Variants in SHISA6 observed in about 807,000 individuals in gnomAD.
SHISA6 encodes shisa family member 6, also known as protein shisa-6.
Under a neutral mutation model 47.9 loss-of-function variants are expected in SHISA6, and 22 were observed. That is an observed-to-expected ratio of 0.46 (90% confidence interval 0.33 to 0.66). SHISA6 has a LOEUF of 0.66. Among genes scored for constraint, SHISA6 ranks in the 30% least tolerant of loss-of-function variants. SHISA6 has a pLI of 0.02. For synonymous variants in SHISA6, 388 were observed against 337.8 expected, an observed-to-expected ratio of 1.15 and a Z score of -1.63; for missense variants, 680 against 764.6, an observed-to-expected ratio of 0.89 and a Z score of 1.30.
chr17:11,279,006 C>T (rs555547476), intron 2 of SHISA6, among the ~76,000 whole-genome samples: 1 of 152,218 alleles, frequency 6.6e-6, no homozygotes, highest in African/African-American at 2.4e-5. Context: ...GAAGCAGCCT[C>T]GTGTTTTCCA....
intron 3 of SHISA6, among the ~76,000 whole-genome samples, chr17:11,387,946 G>A (rs1913249072): frequency 6.6e-6 from 1 of 152,080 alleles, no homozygotes; most frequent in Admixed American, 6.5e-5. Flanking sequence ...ATTTGTCTGG[G>A]TGCTGCTCAT....
chr17:11,368,869 C>T (rs1912536218), intron 2 of SHISA6, among the ~76,000 whole-genome samples: 1 of 152,156 alleles, frequency 6.6e-6, no homozygotes, highest in Admixed American at 6.5e-5. Flanking sequence ...GTTGGTCAGG[C>T]TGGTCTCGAA....
At chr17:11,264,056 T>A (rs915983584) in intron 2 of SHISA6, among the ~76,000 whole-genome samples, 2 of 152,190 alleles carry the variant, frequency 1.3e-5, no homozygotes, top group African/African-American at 4.8e-5. Flanking sequence ...TGCCTTTTAC[T>A]TTTTGTACTT....
intron 3 of SHISA6, among the ~76,000 whole-genome samples, chr17:11,543,274 T>G (rs1014143255): frequency 6.6e-6 from 1 of 152,106 alleles, no homozygotes. Context: ...TAGAGAGAGA[T>G]GTAATATATA....
chr17:11,498,135 G>T (rs747798662), intron 3 of SHISA6, among the ~76,000 whole-genome samples: 1 of 152,196 alleles, frequency 6.6e-6, no homozygotes, highest in Non-Finnish European at 1.5e-5. Flanking sequence ...GAATCCACAG[G>T]TGGGAGATAC....
intron 3 of SHISA6, among the ~76,000 whole-genome samples, chr17:11,488,432 T>C (rs1916403552): frequency 6.6e-6 from 1 of 152,196 alleles, no homozygotes; most frequent in African/African-American, 2.4e-5. Context: ...GTTTCACTAT[T>C]CTGCCTACTT....
chr17:11,266,281 C>T (rs796316990), intron 2 of SHISA6, among the ~76,000 whole-genome samples: 2 of 152,324 alleles, frequency 1.3e-5, no homozygotes, highest in African/African-American at 4.8e-5. Context: ...GCAACACCAA[C>T]AGGCATCAGA....
chr17:11,543,482 C>T (rs188298125), intron 3 of SHISA6, among the ~76,000 whole-genome samples: 206 of 152,178 alleles, frequency 1.4e-3, no homozygotes, highest in African/African-American at 4.8e-3. Flanking sequence ...AATAGAGATA[C>T]ATGCCACGTT....
At chr17:11,546,921 T>G (rs2071888269) in intron 3 of SHISA6, among the ~76,000 whole-genome samples, 1 of 149,302 alleles carries the variant, frequency 6.7e-6, no homozygotes, top group African/African-American at 2.5e-5. Flanking sequence ...AGAGCAAGAC[T>G]CCATCTCAAA....
intron 1 of SHISA6, among the ~76,000 whole-genome samples, chr17:11,263,034 C>G (rs1341572027): frequency 6.6e-6 from 1 of 152,144 alleles, no homozygotes; most frequent in East Asian, 1.9e-4. Context: ...AGTGGCATTC[C>G]ACTGGCCAGC....
intron 2 of SHISA6, among the ~76,000 whole-genome samples, chr17:11,316,663 G>A (rs368753330): frequency 1.3e-5 from 2 of 151,714 alleles, no homozygotes; most frequent in African/African-American, 2.4e-5. Flanking sequence ...CTAGTGACTC[G>A]CCCACCTCGG....
chr17:11,445,536 T>C (rs934869222), intron 3 of SHISA6, among the ~76,000 whole-genome samples: 3 of 152,226 alleles, frequency 2.0e-5, no homozygotes, highest in African/African-American at 7.2e-5. Context: ...AACGATAGCT[T>C]TTCTTGTGTA....
At chr17:11,256,438 G>A (rs1027702051) in intron 1 of SHISA6, among the ~76,000 whole-genome samples, 2 of 152,200 alleles carry the variant, frequency 1.3e-5, no homozygotes, top group Admixed American at 6.5e-5. Context: ...GGAGGTTGCA[G>A]TGAACTGAGA....
intron 3 of SHISA6, among the ~76,000 whole-genome samples, chr17:11,459,875 T>C (rs1915652658): frequency 6.6e-6 from 1 of 152,204 alleles, no homozygotes; most frequent in African/African-American, 2.4e-5. Context: ...CCTGCAGTGG[T>C]TGCAGAGAGC....
chr17:11,292,211 A>C (rs1033410561), intron 2 of SHISA6, among the ~76,000 whole-genome samples: 10 of 152,058 alleles, frequency 6.6e-5, no homozygotes, highest in Non-Finnish European at 1.5e-5. Context: ...CCTTTCTCCA[A>C]ATATAGTCAC....
chr17:11,420,383 G>C (rs918149823), intron 3 of SHISA6, among the ~76,000 whole-genome samples: 1 of 152,148 alleles, frequency 6.6e-6, no homozygotes, highest in African/African-American at 2.4e-5. Flanking sequence ...AAATAAGACC[G>C]TGCCTATAAA....
intron 2 of SHISA6, among the ~76,000 whole-genome samples, chr17:11,351,232 A>G (rs146429092): frequency 6.4e-4 from 97 of 152,266 alleles, no homozygotes; most frequent in African/African-American, 2.3e-3. Flanking sequence ...TAGGTGCAGC[A>G]AACCATCATG....
chr17:11,405,333 G>A (rs1012983117), intron 3 of SHISA6, among the ~76,000 whole-genome samples: 4 of 152,070 alleles, frequency 2.6e-5, no homozygotes, highest in Admixed American at 6.6e-5. Context: ...TGGTCCCGGA[G>A]TAAATTTGAG....
intron 3 of SHISA6, among the ~76,000 whole-genome samples, chr17:11,470,329 T>A (rs1915906415): frequency 6.6e-6 from 1 of 152,148 alleles, no homozygotes; most frequent in Non-Finnish European, 1.5e-5. Context: ...CCTCTGAGCT[T>A]CCCCAACTCA....
Sources: gnomAD v4.1 joint callset for allele counts (sites outside exome capture counted in the v4.1 genomes callset) on GRCh38, gnomAD v4.1.1 for gene constraint, MANE v1.5 for transcripts, NCBI Gene and HGNC (gene_info 2026-07-23, HGNC 2026-07-21) for gene names.